GNA14: variants seen among roughly 807,000 people sequenced by gnomAD.
GNA14 encodes the protein guanine nucleotide-binding protein subunit alpha-14.
In GNA14, 50 loss-of-function variants were observed where a neutral mutation model predicts 42.0. That is an observed-to-expected ratio of 1.19 (90% CI 0.95 to 1.51). GNA14 has a LOEUF of 1.51. Among genes scored for constraint, GNA14 ranks in the 40% most tolerant of loss-of-function variants. The probability of loss-of-function intolerance (pLI) is 0.00; values close to 1 mark genes in which losing one functional copy is unlikely to be tolerated. For synonymous variants in GNA14, 173 were observed against 163.1 expected (o/e 1.06, Z -0.46); for missense variants, 473 against 446.2 (o/e 1.06, Z -0.54).
chr9:77,447,959 G>A (rs2131701614), intron 2 of GNA14, among the ~76,000 whole-genome samples: 1 of 152,360 alleles, frequency 6.6e-6, no homozygotes, highest in African/African-American at 2.4e-5. Context: ...ACCACTCACA[G>A]AGTCTTGAAA....
chr9:77,611,749 G>C (rs1028802830), intron 1 of GNA14, among the ~76,000 whole-genome samples: 1 of 152,134 alleles, frequency 6.6e-6, no homozygotes, highest in Non-Finnish European at 1.5e-5. Flanking sequence ...TCTGCTGTTG[G>C]TGGGTTTGAG....
At chr9:77,555,837 A>G (rs921123761) in intron 1 of GNA14, among the ~76,000 whole-genome samples, 1 of 152,248 alleles carries the variant, frequency 6.6e-6, no homozygotes, top group African/African-American at 2.4e-5. Flanking sequence ...TACTGAATCT[A>G]TAGCATAACA....
rs1317179375 is a variant in GNA14 at position 77,464,343 on chromosome 9, GTGTGTATA to G, written c.310-29829_310-29822del. On this transcript the variant is annotated intron_variant, in intron 2 of 6. Coordinates refer to ENST00000341700, the MANE Select transcript of GNA14 (RefSeq NM_004297.4). Reference sequence around the variant, plus strand: ...TGTGTGTATATATATGTGTGTGTGTGTGTGTATATGTGTGTGTGTGTGTGTGTGTGTGT... The same window carrying G: ...TGTGTGTATATATATGTGTGTGTGTGTGTGTGTGTGTGTGTGTGTGTGTGT... Among the ~76,000 whole-genome samples the G allele has an allele frequency of 2.4e-3, 293 of 121,808 alleles. 2 individuals carry two copies. Among genetic ancestry groups the G allele is most frequent in the East Asian group, 0.011 (40 of 3,686 alleles). The allele number at this position is 121,808 out of a possible 152,430, so 79.9% of individuals were successfully genotyped here.
chr9:77,603,704 G>A (rs1026324354), intron 1 of GNA14, among the ~76,000 whole-genome samples: 13 of 152,014 alleles, frequency 8.6e-5, no homozygotes, highest in South Asian at 4.1e-4. Context: ...AGTGGCTCAC[G>A]CCTGTAATCC....
chr9:77,581,217 T>C (rs1250596660), intron 1 of GNA14, among the ~76,000 whole-genome samples: 2 of 152,172 alleles, frequency 1.3e-5, no homozygotes, highest in Admixed American at 1.3e-4. Context: ...CTTAGTTATG[T>C]GCTAGGCTGA....
At chr9:77,616,386 G>C (rs998088623) in intron 1 of GNA14, among the ~76,000 whole-genome samples, 2 of 152,224 alleles carry the variant, frequency 1.3e-5, no homozygotes, top group Admixed American at 6.5e-5. Flanking sequence ...CTGTTCCACT[G>C]TAATGGCTGG....
chr9:77,623,235 A>AAT (rs1823959869), intron 1 of GNA14, among the ~76,000 whole-genome samples: 1 of 129,380 alleles, frequency 7.7e-6, no homozygotes, highest in African/African-American at 3.9e-5. Context: ...AAAAAAAAAA[A>AAT]AAAAAAAAAA....
intron 1 of GNA14, among the ~76,000 whole-genome samples, chr9:77,566,705 C>A (rs566806887): frequency 6.6e-6 from 1 of 152,300 alleles, no homozygotes; most frequent in East Asian, 1.9e-4. Flanking sequence ...CAATACAACT[C>A]TAAGTCCTAG....
intron 2 of GNA14, among the ~76,000 whole-genome samples, chr9:77,484,050 A>G (rs1836612865): frequency 6.6e-6 from 1 of 152,228 alleles, no homozygotes; most frequent in Non-Finnish European, 1.5e-5. Flanking sequence ...TTTCTCTCCC[A>G]TGCCCCTTTT....
intron 1 of GNA14, chr9:77,580,361 T>C (rs1823201998): frequency 6.1e-6 from 2 of 328,310 alleles, no homozygotes; most frequent in African/African-American, 4.3e-5. Context: ...CGTCATGCCT[T>C]AGGTGGGAAG....
intron 1 of GNA14, among the ~76,000 whole-genome samples, chr9:77,621,474 T>C (rs985068232): frequency 1.3e-5 from 2 of 152,222 alleles, no homozygotes; most frequent in Non-Finnish European, 2.9e-5. Context: ...ACAGAATAAA[T>C]TGGCTTCACC....
intron 2 of GNA14, among the ~76,000 whole-genome samples, chr9:77,449,196 A>C (rs1396161672): frequency 6.6e-6 from 1 of 152,244 alleles, no homozygotes; most frequent in East Asian, 1.9e-4. Context: ...TAACCCAGGT[A>C]CCTAGACCTG....
Position 77,483,344 on chromosome 9 carries a change from C to T in GNA14, c.309+45725G>A, listed in dbSNP as rs972358794. Among the ~76,000 whole-genome samples, 3 of 152,166 alleles carry T rather than the reference C, an allele frequency of 2.0e-5. No homozygotes were observed. The South Asian group carries it at 6.2e-4, about 32-fold the overall frequency. ...CTCCAGACCCTGTTTGCCTGGGCAT[C>T]AGGAGCAGTGGCTGCCGAACAGCGG... On this transcript the variant is annotated intron_variant, in intron 2 of 6. Coordinates refer to ENST00000341700, the MANE Select transcript of GNA14 (RefSeq NM_004297.4).
At chr9:77,562,849 T>C (rs1445266600) in intron 1 of GNA14, among the ~76,000 whole-genome samples, 1 of 152,224 alleles carries the variant, frequency 6.6e-6, no homozygotes, top group Non-Finnish European at 1.5e-5. Flanking sequence ...TATGAAATGC[T>C]GGGTCCCATT....
chr9:77,586,058 C>T (rs1458375521), intron 1 of GNA14, among the ~76,000 whole-genome samples: 1 of 152,080 alleles, frequency 6.6e-6, no homozygotes, highest in African/African-American at 2.4e-5. Flanking sequence ...TCGCCAAACA[C>T]TCCCCAGGCT....
At chr9:77,616,432 C>G (rs1748455592) in intron 1 of GNA14, among the ~76,000 whole-genome samples, 1 of 152,186 alleles carries the variant, frequency 6.6e-6, no homozygotes, top group Admixed American at 6.5e-5. Context: ...GTGCAAGGCA[C>G]TACTTATTAT....
In GNA14 at chr9:77,647,896, G is replaced by T. The variant is rs548941450; in HGVS notation, c.-103C>A. ...AGCATGCGACGGGCACAGGGGTGTGGAAAGAAAAGACGGGGGCCGACTTGA... is the reference window on the plus strand; with the variant it reads ...AGCATGCGACGGGCACAGGGGTGTGTAAAGAAAAGACGGGGGCCGACTTGA... On this transcript the variant is annotated 5_prime_UTR_variant, in exon 1 of 7. Coordinates refer to ENST00000341700, the MANE Select transcript of GNA14 (RefSeq NM_004297.4). 72 of 1,373,984 alleles carry T rather than the reference G, an allele frequency of 5.2e-5. No homozygotes were observed. Among genetic ancestry groups the T allele is most frequent in the Non-Finnish European group, 6.7e-5 (68 of 1,018,478 alleles). The allele number at this position is 1,373,984 out of a possible 1,614,324, so 85.1% of individuals were successfully genotyped here.
At chr9:77,600,701 T>C (rs1280332303) in intron 1 of GNA14, among the ~76,000 whole-genome samples, 1 of 152,192 alleles carries the variant, frequency 6.6e-6, no homozygotes, top group Non-Finnish European at 1.5e-5. Context: ...TTGGATCATC[T>C]GAGGTCAGGA....
In GNA14 at chr9:77,531,621, G is replaced by A. The variant is rs548076570; in HGVS notation, c.125-2368C>T. ...TACATTTACACATTGTGAAGCTGAT[G>A]TGAATGCAGAGATTATGTAATCACC... On this transcript the variant is annotated intron_variant, in intron 1 of 6. Transcript: ENST00000341700. Among the ~76,000 whole-genome samples the A allele has an allele frequency of 5.9e-5, 9 of 152,262 alleles. No homozygotes were observed. The East Asian group carries it at 1.7e-3, about 29-fold the overall frequency.
Sources: gnomAD v4.1 joint callset for allele counts (sites outside exome capture counted in the v4.1 genomes callset) on GRCh38, gnomAD v4.1.1 for gene constraint, MANE v1.5 for transcripts, NCBI Gene and HGNC (gene_info 2026-07-23, HGNC 2026-07-21) for gene names.